PADI4: variants seen among roughly 807,000 people sequenced by gnomAD.
The protein encoded by PADI4 is protein-arginine deiminase type-4.
In PADI4, 62 loss-of-function variants were observed where a neutral mutation model predicts 75.0. The ratio of observed to expected loss-of-function variants is 0.83; its 90% CI spans 0.67 to 1.02. The LOEUF (loss-of-function observed/expected upper bound fraction) is 1.02. Among genes scored for constraint, PADI4 ranks in the 50% least tolerant of loss-of-function variants. The pLI, the probability that PADI4 is intolerant of heterozygous loss-of-function variation, is 0.00. For missense variants in PADI4, 845 were observed against 850.5 expected, an observed-to-expected ratio of 0.99 and a Z score of 0.08; for synonymous variants, 361 against 348.1, an observed-to-expected ratio of 1.04 and a Z score of -0.41.
Position 17,346,110 on chromosome 1 carries a change from G to A in PADI4, c.1018G>A (p.Glu340Lys). ...GTGCAAGCTGACCATCTGCCCTGAGGAGGAGAACATGGATGACCAGTGGAT... is the reference window on the plus strand; with the variant it reads ...GTGCAAGCTGACCATCTGCCCTGAGAAGGAGAACATGGATGACCAGTGGAT... ...AKCKLTICPE[E>K]ENMDDQWMQD... Residue 340 changes from glutamate (E) to lysine (K), a missense_variant, in exon 9 of 16, where the codon GAG becomes AAG. Physicochemically the swap from Glu to Lys is moderately conservative, Grantham distance 56. Transcript: ENST00000375448. This position sits in a 1 kb window ranked among gnomAD's most constrained non-coding sequence, Gnocchi z 4.3. 1 of 1,613,540 alleles carries A rather than the reference G, an allele frequency of 6.2e-7. No homozygotes were observed. Among genetic ancestry groups the A allele is most frequent in the Non-Finnish European group, 8.5e-7 (1 of 1,179,428 alleles).
At chr1:17,309,791 A>G (rs2073780790) in intron 1 of PADI4, among the ~76,000 whole-genome samples, 1 of 152,234 alleles carries the variant, frequency 6.6e-6, no homozygotes, top group African/African-American at 2.4e-5. Context: ...TTGGGGAGAA[A>G]AGGAAAAAGA....
intron 6 of PADI4, among the ~76,000 whole-genome samples, chr1:17,341,553 C>T (rs978548238): frequency 3.3e-5 from 5 of 152,188 alleles, no homozygotes; most frequent in African/African-American, 7.2e-5. Context: ...CCTACTCACC[C>T]GTAAGACTGT....
chr1:17,359,325 C>T lies in PADI4; in HGVS notation c.1675C>T (p.Leu559=). 1 of 1,613,474 alleles carries T rather than the reference C, an allele frequency of 6.2e-7. No individual in the cohort carries two copies. The highest frequency in any genetic ancestry group is 1.3e-5 in the African/African-American group (1 of 74,948). The change falls in exon 15 of 16, where the codon CTG becomes TTG. Residue 559 remains leucine (L), a synonymous_variant. Coordinates refer to ENST00000375448, the MANE Select transcript of PADI4 (RefSeq NM_012387.3). ...CGAGCTGCTGAAGCGGGAGCTGGGC[C>T]TGGCCGAGAGTGACATCATTGACAT... The part of the protein sequence containing the change: ...NRELLKRELG[L]AESDIIDIPQ...
chr1:17,340,472 A>G (rs1373695222), intron 6 of PADI4, among the ~76,000 whole-genome samples: 1 of 152,162 alleles, frequency 6.6e-6, no homozygotes, highest in Non-Finnish European at 1.5e-5. Flanking sequence ...AGGGAGGTAT[A>G]GGAACAGCCA....
intron 1 of PADI4, among the ~76,000 whole-genome samples, chr1:17,316,721 A>ATT (rs1331160074): frequency 6.7e-6 from 1 of 149,220 alleles, no homozygotes; most frequent in African/African-American, 2.5e-5. Flanking sequence ...TAATTAATTA[A>ATT]TTAATTAATT....
chr1:17,316,709 AT>A lies in PADI4; in HGVS notation c.92+8397del, dbSNP rs758828709. Among the ~76,000 whole-genome samples, 642 of 144,668 alleles carry A rather than the reference AT, an allele frequency of 4.4e-3. 6 individuals are homozygous for A. Among genetic ancestry groups the A allele is most frequent in the Middle Eastern group, 0.014 (4 of 286 alleles). 94.9% of individuals were successfully genotyped at this position (144,668 alleles called of 152,430 possible). On this transcript the variant is annotated intron_variant, in intron 1 of 15. Coordinates refer to ENST00000375448, the MANE Select transcript of PADI4 (RefSeq NM_012387.3). Reference sequence around the variant, plus strand: ...CGTCTCAAAATAAATAAATAAATAAATTAATTAATTAATTAATTAATTAAAA... The same window carrying A: ...CGTCTCAAAATAAATAAATAAATAAATAATTAATTAATTAATTAATTAAAA...
chr1:17,349,306 G>A (rs894005214), intron 10 of PADI4, among the ~76,000 whole-genome samples: 14 of 152,282 alleles, frequency 9.2e-5, no homozygotes, highest in Non-Finnish European at 1.6e-4. Flanking sequence ...ACAGACAGAC[G>A]GACACCTCGG....
Position 17,342,040 on chromosome 1 carries a change from C to T in PADI4, c.750C>T (p.Tyr250=), listed in dbSNP as rs1207131421. ...GTGGAAAGCACAACATGGACTTCTACGTGGAGGCCCTCGCTTTCCCGGACA... is the reference window on the plus strand; with the variant it reads ...GTGGAAAGCACAACATGGACTTCTATGTGGAGGCCCTCGCTTTCCCGGACA... ...VPGGKHNMDF[Y]VEALAFPDTD... The change falls in exon 7 of 16, where the codon TAC becomes TAT. Residue 250 remains tyrosine, a synonymous_variant. Coordinates refer to ENST00000375448, the MANE Select transcript of PADI4 (RefSeq NM_012387.3). The T allele has an allele frequency of 1.1e-5, 17 of 1,613,814 alleles. No individual in the cohort carries two copies. The highest frequency in any genetic ancestry group is 1.6e-4 in the Middle Eastern group (1 of 6,084).
chr1:17,332,082 G>A (rs1340235416), intron 2 of PADI4, among the ~76,000 whole-genome samples: 1 of 152,082 alleles, frequency 6.6e-6, no homozygotes, highest in Non-Finnish European at 1.5e-5. Context: ...GCTTCTGGGG[G>A]CTGTCAGCAG....
In PADI4 at chr1:17,340,047, C is replaced by T. The variant is rs538433558; in HGVS notation, c.652+234C>T. 5.4e-4 allele frequency among the ~76,000 whole-genome samples: 43 copies of T among 79,178 alleles called. No homozygotes were observed. In the East Asian group the frequency reaches 0.012, roughly 21 times the overall value. The allele number at this position is 79,178 out of a possible 152,430, so 51.9% of individuals were successfully genotyped here. On this transcript the variant is annotated intron_variant, in intron 6 of 15. Transcript: ENST00000375448. ...TTTCTTTCTCTCTCTCTCACACACG[C>T]GCGCGCACACACACACACACACACA... is the stretch of plus-strand genomic sequence containing the variant.
chr1:17,358,787 G>C (rs1222140697), intron 13 of PADI4, 51 bp from the exon 14 acceptor site: 1 of 1,263,732 alleles, frequency 7.9e-7, no homozygotes, highest in Non-Finnish European at 1.1e-6. Context: ...TGGGAAGAGG[G>C]AAATCGACCT....
At chr1:17,358,767 C>T (rs966356426) in intron 13 of PADI4, 71 bp from the exon 14 acceptor site, 47 of 962,190 alleles carry the variant, frequency 4.9e-5, no homozygotes, top group African/African-American at 3.1e-4. Flanking sequence ...AGTCCCCCCC[C>T]GGCACTGGCT....
In PADI4 at chr1:17,356,975, T is replaced by C. The variant is rs1375222272; in HGVS notation, c.1558+516T>C. The stretch of plus-strand genomic sequence containing the variant: ...GCCAGGCCCCGGGCTGAGATGCCTC[T>C]GTGGCTGAGAGCTCCACCTCAGATC... On this transcript the variant is annotated intron_variant, in intron 13 of 15. Coordinates refer to ENST00000375448, the MANE Select transcript of PADI4 (RefSeq NM_012387.3). The surrounding 1 kb of genome is among the most constrained non-coding windows in gnomAD (Gnocchi z 4.1). Among the ~76,000 whole-genome samples, 8 of 152,134 alleles carry C rather than the reference T, an allele frequency of 5.3e-5. No homozygotes were observed. The East Asian group carries it at 1.5e-3, about 29-fold the overall frequency.
At chr1:17,313,083 G>T (rs985475256) in intron 1 of PADI4, among the ~76,000 whole-genome samples, 10 of 151,972 alleles carry the variant, frequency 6.6e-5, no homozygotes, top group Non-Finnish European at 1.3e-4. Context: ...CCAGCTACTC[G>T]CGAGGGTGAG....
intron 15 of PADI4, 111 bp downstream of exon 15, chr1:17,359,519 C>T (rs1367939840): frequency 1.1e-5 from 16 of 1,442,092 alleles, no homozygotes; most frequent in Admixed American, 1.9e-5. Flanking sequence ...TCTCTGTAAC[C>T]GTTTGTAGCT....
chr1:17,350,537 C>T lies in PADI4; in HGVS notation c.1155+2489C>T, dbSNP rs575961639. Reference sequence around the variant, plus strand: ...GGGCAACAGCTTTCCAACGTTGTGCCTCAGGCCGCATCACCTGGCATCCAT... The same window carrying T: ...GGGCAACAGCTTTCCAACGTTGTGCTTCAGGCCGCATCACCTGGCATCCAT... On this transcript the variant is annotated intron_variant, in intron 10 of 15. Coordinates refer to ENST00000375448, the MANE Select transcript of PADI4 (RefSeq NM_012387.3). Among the ~76,000 whole-genome samples the T allele has an allele frequency of 2.3e-5, 3 of 130,618 alleles. 1 individual carries two copies. The South Asian group carries it at 8.6e-4, about 38-fold the overall frequency. The allele number at this position is 130,618 out of a possible 152,430, so 85.7% of individuals were successfully genotyped here.
In PADI4 at chr1:17,350,606, G is replaced by T. The variant is rs941279839; in HGVS notation, c.1155+2558G>T. ...CCACTCTTGGGGGGCCACTTCTGCA[G>T]ACTATGGATATGCCTTCATTTGCCT... On this transcript the variant is annotated intron_variant, in intron 10 of 15. Transcript: ENST00000375448. 8.2e-4 allele frequency among the ~76,000 whole-genome samples: 107 copies of T among 131,002 alleles called. 31 individuals are homozygous for T. Among genetic ancestry groups the T allele is most frequent in the Non-Finnish European group, 1.6e-3 (90 of 57,646 alleles). 85.9% of individuals were successfully genotyped at this position (131,002 alleles called of 152,430 possible). A position where few individuals can be genotyped will look rare whatever the true frequency, so the allele number is the denominator to read the frequency against.
chr1:17,314,592 G>A (rs1327787603), intron 1 of PADI4, among the ~76,000 whole-genome samples: 1 of 152,208 alleles, frequency 6.6e-6, no homozygotes, highest in African/African-American at 2.4e-5. Flanking sequence ...CAACCACCCA[G>A]GAAGCAGGTC....
At chr1:17,358,560 C>T (rs75760157) in intron 13 of PADI4, among the ~76,000 whole-genome samples, 1 of 11,970 alleles carries the variant, frequency 8.4e-5, no homozygotes, top group Non-Finnish European at 1.4e-4. Context: ...AGCGAGACTC[C>T]GTCTCAAAAA....
Sources: gnomAD v4.1 joint callset for allele counts (sites outside exome capture counted in the v4.1 genomes callset) on GRCh38, gnomAD v4.1.1 for gene constraint, Gnocchi (gnomAD v3.1) non-coding constraint, MANE v1.5 for transcripts, NCBI Gene and HGNC (gene_info 2026-07-23, HGNC 2026-07-21) for gene names.